Variants in DLG2 observed in about 807,000 individuals in gnomAD.
DLG2 encodes disks large homolog 2.
A neutral mutation model predicts 132.5 loss-of-function variants in DLG2; 45 were observed. The observed-to-expected ratio is 0.34, with a 90% CI of 0.27 to 0.44. DLG2 has a LOEUF of 0.44. DLG2 is among the 20% of genes least tolerant of loss of function. The pLI, the probability that DLG2 is intolerant of heterozygous loss-of-function variation, is 1.00. For synonymous variants in DLG2, 424 were observed against 419.6 expected (o/e 1.01, Z -0.13); for missense variants, 1,045 against 1,196.9 (o/e 0.87, Z 1.87).
intron 7 of DLG2, among the ~76,000 whole-genome samples, chr11:84,376,844 G>A (rs575836388): frequency 1.4e-4 from 21 of 151,922 alleles, no homozygotes; most frequent in African/African-American, 2.4e-4. Flanking sequence ...TAAAATCTTC[G>A]TCTGTGAGGA....
At chr11:84,329,300 T>A (rs1487992991) in intron 7 of DLG2, among the ~76,000 whole-genome samples, 1 of 152,196 alleles carries the variant, frequency 6.6e-6, no homozygotes, top group African/African-American at 2.4e-5. Context: ...CATGCTGATA[T>A]GGTTTGGCTA....
intron 3 of DLG2, among the ~76,000 whole-genome samples, chr11:85,366,138 A>C (rs1325372130): frequency 2.0e-5 from 3 of 152,176 alleles, no homozygotes; most frequent in African/African-American, 7.2e-5. Flanking sequence ...CCAAAATGTA[A>C]TTGCTAGCTC....
intron 8 of DLG2, among the ~76,000 whole-genome samples, chr11:84,207,053 G>T (rs1224511738): frequency 7.9e-6 from 1 of 125,934 alleles, no homozygotes; most frequent in Non-Finnish European, 1.7e-5. Context: ...AGATATATAA[G>T]AATAAATCTC....
At chr11:84,959,045 TGCTGAGGCTG>T (rs2052135255) in intron 6 of DLG2, among the ~76,000 whole-genome samples, 1 of 152,220 alleles carries the variant, frequency 6.6e-6, no homozygotes, top group Admixed American at 6.5e-5. Context: ...TGGCTTTTGC[TGCTGAGGCTG>T]GCTCATTAGA....
At chr11:84,116,782 A>G (rs1475684024) in intron 9 of DLG2, among the ~76,000 whole-genome samples, 2 of 152,198 alleles carry the variant, frequency 1.3e-5, no homozygotes, top group African/African-American at 2.4e-5. Context: ...TAAACATAAA[A>G]TGACATTAAA....
At chr11:85,146,222 TTCTCCCTCTCTCTCTC>T (rs891620296) in intron 5 of DLG2, among the ~76,000 whole-genome samples, 5 of 94,122 alleles carry the variant, frequency 5.3e-5, no homozygotes, top group South Asian at 3.0e-4. Context: ...GTATGTCTGT[TTCTCCCTCTCTCTCTC>T]TCTCTCTCTC....
At chr11:85,058,672 A>C (rs749158750) in intron 6 of DLG2, among the ~76,000 whole-genome samples, 10 of 151,590 alleles carry the variant, frequency 6.6e-5, no homozygotes, top group Non-Finnish European at 1.3e-4. Context: ...CTCAGTTTGC[A>C]TAAGGACAAA....
At chr11:84,521,630 T>C (rs2099301256) in intron 7 of DLG2, among the ~76,000 whole-genome samples, 1 of 152,186 alleles carries the variant, frequency 6.6e-6, no homozygotes, top group African/African-American at 2.4e-5. Context: ...TGCAGCGCAT[T>C]ATCTAAACTA....
In DLG2 at chr11:83,456,965, C is replaced by CA. The variant is rs2089114103; in HGVS notation, c.*2852dup. ...GGCCGACAATTCTGTGGGAGGAGAGCAAAAAACAAATGCCTCTGCACTTAG... is the reference window on the plus strand; with the variant it reads ...GGCCGACAATTCTGTGGGAGGAGAGCAAAAAAACAAATGCCTCTGCACTTAG... On this transcript the variant is annotated 3_prime_UTR_variant, in exon 28 of 28. Coordinates refer to ENST00000376104, the MANE Select transcript of DLG2 (RefSeq NM_001142699.3). 6.6e-6 allele frequency: 1 copy of CA among 152,580 alleles called. No homozygotes were observed. Among genetic ancestry groups the CA allele is most frequent in the Admixed American group, 6.5e-5 (1 of 15,288 alleles). 9.5% of individuals were successfully genotyped at this position (152,580 alleles called of 1,614,324 possible). A position where few individuals can be genotyped will look rare whatever the true frequency, so the allele number is the denominator to read the frequency against.
At chr11:83,878,888 A>G (rs2065430598) in intron 15 of DLG2, among the ~76,000 whole-genome samples, 1 of 152,156 alleles carries the variant, frequency 6.6e-6, no homozygotes, top group African/African-American at 2.4e-5. Flanking sequence ...GATAAATATT[A>G]CTAAGCCTTT....
intron 4 of DLG2, among the ~76,000 whole-genome samples, chr11:85,163,206 T>TACAC (rs776985320): frequency 0.013 from 2,000 of 148,236 alleles, 25 homozygotes; most frequent in Admixed American, 0.021. Context: ...TTATATATAT[T>TACAC]ACACACACAC....
chr11:85,162,379 C>T (rs1233478243), intron 4 of DLG2, among the ~76,000 whole-genome samples: 1 of 152,050 alleles, frequency 6.6e-6, no homozygotes, highest in Non-Finnish European at 1.5e-5. Flanking sequence ...AAAACAAAAA[C>T]AAAACAAAAC....
intron 8 of DLG2, among the ~76,000 whole-genome samples, chr11:84,208,787 G>A (rs1196289746): frequency 6.6e-6 from 1 of 152,098 alleles, no homozygotes. Flanking sequence ...TTTATCATAG[G>A]GATTAAGGTT....
intron 7 of DLG2, among the ~76,000 whole-genome samples, chr11:84,370,742 A>G (rs1017215535): frequency 6.6e-6 from 1 of 152,150 alleles, no homozygotes; most frequent in Non-Finnish European, 1.5e-5. Context: ...TCTCTGCGTT[A>G]TAGGTTCGTT....
intron 6 of DLG2, among the ~76,000 whole-genome samples, chr11:84,555,140 G>A (rs1281479621): frequency 2.6e-5 from 4 of 152,092 alleles, no homozygotes; most frequent in Non-Finnish European, 5.9e-5. Flanking sequence ...ATTTCAGCAG[G>A]AGAGTGATAT....
intron 4 of DLG2, among the ~76,000 whole-genome samples, chr11:85,232,430 A>G (rs2075351483): frequency 6.6e-6 from 1 of 151,948 alleles, no homozygotes; most frequent in African/African-American, 2.4e-5. Context: ...CAGAAAAATC[A>G]TATTTACTTT....
intron 6 of DLG2, among the ~76,000 whole-genome samples, chr11:84,731,087 G>C (rs1009470056): frequency 2.0e-5 from 3 of 152,012 alleles, no homozygotes; most frequent in African/African-American, 7.2e-5. Context: ...GTGTGAGTTA[G>C]TTGTATTACA....
intron 16 of DLG2, among the ~76,000 whole-genome samples, chr11:83,855,145 T>C (rs1036950940): frequency 1.3e-5 from 2 of 152,130 alleles, no homozygotes; most frequent in Non-Finnish European, 2.9e-5. Context: ...CCCATTGAAA[T>C]GGTCGAAATC....
intron 6 of DLG2, among the ~76,000 whole-genome samples, chr11:84,849,097 G>C (rs894275258): frequency 2.0e-5 from 3 of 152,200 alleles, no homozygotes; most frequent in African/African-American, 7.2e-5. Context: ...CAAGTGGAAA[G>C]ATGAGGTTAT....
Sources: gnomAD v4.1 joint callset for allele counts (sites outside exome capture counted in the v4.1 genomes callset) on GRCh38, gnomAD v4.1.1 for gene constraint, MANE v1.5 for transcripts, NCBI Gene and HGNC (gene_info 2026-07-23, HGNC 2026-07-21) for gene names.